TEX11: variants seen among roughly 807,000 people sequenced by gnomAD.
TEX11 encodes the protein testis-expressed protein 11.
TEX11 carries 7 observed loss-of-function variants against 84.4 expected under a neutral mutation model. The ratio of observed to expected loss-of-function variants is 0.08; its 90% CI spans 0.05 to 0.16. TEX11 has a LOEUF of 0.16. Among genes scored for constraint, TEX11 ranks in the 10% least tolerant of loss-of-function variants. TEX11 has a pLI of 1.00. For missense variants in TEX11, 551 were observed against 660.5 expected, an observed-to-expected ratio of 0.83 and a Z score of 1.82; for synonymous variants, 264 against 222.8, an observed-to-expected ratio of 1.18 and a Z score of -1.64.
At chrX:70,754,273 G>T (rs1384475913) in intron 9 of TEX11, among the ~76,000 whole-genome samples, 2 of 111,254 alleles carry the variant, frequency 1.8e-5, no homozygotes, top group African/African-American at 6.5e-5. Flanking sequence ...GAGCCCTTGG[G>T]CCTTAAGGAA....
chrX:70,514,025 G>A, the TEX11 span, among the ~76,000 whole-genome samples: 6 of 109,147 alleles, frequency 5.5e-5, 1 homozygote, highest in African/African-American at 2.0e-4. Flanking sequence ...AGTTTGAACC[G>A]TATGAAATTG....
intron 25 of TEX11, among the ~76,000 whole-genome samples, chrX:70,566,805 C>T (rs1192143900): frequency 4.5e-5 from 5 of 111,610 alleles, no homozygotes; most frequent in Non-Finnish European, 9.4e-5. Flanking sequence ...ATTCGGATTG[C>T]CAGTATTTTA....
chrX:70,662,073 A>G (rs1603204323), intron 16 of TEX11, among the ~76,000 whole-genome samples: 1 of 111,855 alleles, frequency 8.9e-6, no homozygotes. Flanking sequence ...CTCCGAGCTA[A>G]AGGAGGACAT....
intron 25 of TEX11, among the ~76,000 whole-genome samples, chrX:70,557,469 CAA>C (rs66649112): frequency 2.2e-5 from 2 of 89,119 alleles, no homozygotes; most frequent in African/African-American, 4.2e-5. Flanking sequence ...GACTCTGTCT[CAA>C]AAAAAAAAAA....
At chrX:70,788,963 TATATATATATAGAGAGAGAGAGAGAGAG>T (rs1301925771) in intron 9 of TEX11, among the ~76,000 whole-genome samples, 3 of 43,801 alleles carry the variant, frequency 6.8e-5, no homozygotes, top group African/African-American at 1.1e-4. Flanking sequence ...TATATATATA[TATATATATATAGAGAGAGAGAGAGAGAG>T]AGAGAGAGAG....
chrX:70,528,097 A>G (rs1173274283), downstream of TEX11, among the ~76,000 whole-genome samples: 1 of 111,571 alleles, frequency 9.0e-6, no homozygotes, highest in Non-Finnish European at 1.9e-5. Flanking sequence ...ATGAGGAACA[A>G]CTAAGGGGTC....
the TEX11 span, among the ~76,000 whole-genome samples, chrX:70,519,250 C>T: frequency 2.3e-4 from 26 of 111,831 alleles, no homozygotes; most frequent in Admixed American, 2.0e-3. Flanking sequence ...GTGGCTGGTA[C>T]GGGTTGTTCC....
intron 15 of TEX11, among the ~76,000 whole-genome samples, chrX:70,675,221 A>C (rs1047743536): frequency 8.9e-6 from 1 of 112,218 alleles, no homozygotes. Flanking sequence ...TACTCATATA[A>C]TTACCATTTC....
At chrX:70,821,897 G>C (rs2091320038) in intron 8 of TEX11, among the ~76,000 whole-genome samples, 1 of 111,449 alleles carries the variant, frequency 9.0e-6, no homozygotes, top group African/African-American at 3.3e-5. Context: ...ATATGATATA[G>C]CCATTTCACT....
At chrX:70,685,182 G>A (rs190094303) in intron 13 of TEX11, among the ~76,000 whole-genome samples, 224 of 111,763 alleles carry the variant, frequency 2.0e-3, no homozygotes, top group Non-Finnish European at 2.6e-3. Flanking sequence ...TGGCCAATGT[G>A]GCAAAACCCC....
intron 13 of TEX11, among the ~76,000 whole-genome samples, chrX:70,721,467 G>A (rs2090558682): frequency 8.9e-6 from 1 of 112,018 alleles, no homozygotes; most frequent in African/African-American, 3.2e-5. Context: ...TGAACAACAT[G>A]AAGGAAATTA....
chrX:70,833,345 G>A (rs1450989474), intron 8 of TEX11, among the ~76,000 whole-genome samples, 168 bp downstream of exon 8: 2 of 111,003 alleles, frequency 1.8e-5, no homozygotes, highest in Non-Finnish European at 3.8e-5. Flanking sequence ...TTTTTCAAAT[G>A]CCCTTTCTGG....
At chrX:70,526,307 G>A (rs1292121306), downstream of TEX11, among the ~76,000 whole-genome samples, 1 of 111,997 alleles carries the variant, frequency 8.9e-6, no homozygotes, top group Non-Finnish European at 1.9e-5. Context: ...GGTGGCTCAT[G>A]CTTATAATCC....
At chrX:70,641,030 T>A (rs4844245) in intron 17 of TEX11, among the ~76,000 whole-genome samples, 8 of 109,292 alleles carry the variant, frequency 7.3e-5, no homozygotes, top group South Asian at 8.1e-4. Context: ...CCCATCTCAC[T>A]TGCAGAGACA....
chrX:70,672,138 C>T (rs1468715751), intron 15 of TEX11, among the ~76,000 whole-genome samples: 6 of 109,534 alleles, frequency 5.5e-5, no homozygotes, highest in African/African-American at 9.9e-5. Flanking sequence ...TGGCCCCTTT[C>T]GCTCAGCAAA....
intron 28 of TEX11, among the ~76,000 whole-genome samples, chrX:70,530,994 ACTC>A (rs1176069641): frequency 9.1e-6 from 1 of 109,471 alleles, no homozygotes; most frequent in East Asian, 2.9e-4. Context: ...TTGAAACACT[ACTC>A]CTCATCCTTG....
intron 9 of TEX11, among the ~76,000 whole-genome samples, chrX:70,782,581 G>A (rs1168205718): frequency 1.0e-4 from 10 of 97,774 alleles, no homozygotes; most frequent in Non-Finnish European, 1.4e-4. Context: ...CCCATCTTAC[G>A]TGCAGAGACA....
chrX:70,609,434 C>T (rs1218369436), intron 21 of TEX11, among the ~76,000 whole-genome samples: 1 of 111,951 alleles, frequency 8.9e-6, no homozygotes, highest in Non-Finnish European at 1.9e-5. Context: ...CAATCATTCA[C>T]CACCTGAGGT....
rs762878614 is a variant in TEX11, at chrX:70,591,721, G to A, written c.2140+30C>T. On this transcript the variant is annotated intron_variant, in intron 25 of 29. Transcript: ENST00000374333. ...TTCGATTCTAAGCTCCTTTCAAACT[G>A]TGTTACCAAACTTCCAGTTCCTACT... The A allele has an allele frequency of 5.3e-6, 6 of 1,129,737 alleles. No homozygotes were observed. The South Asian group carries it at 7.5e-5, about 14-fold the overall frequency. 93.1% of individuals were successfully genotyped at this position (1,129,737 alleles called of 1,213,427 possible).
Sources: gnomAD v4.1 joint callset for allele counts (sites outside exome capture counted in the v4.1 genomes callset) on GRCh38, gnomAD v4.1.1 for gene constraint, MANE v1.5 for transcripts, NCBI Gene and HGNC (gene_info 2026-07-23, HGNC 2026-07-21) for gene names.